TBXAS1: variants seen among roughly 807,000 people sequenced by gnomAD.
TBXAS1 encodes the protein thromboxane A synthase 1, also known as thromboxane-A synthase.
Under a neutral mutation model 60.7 loss-of-function variants are expected in TBXAS1, and 48 were observed. The ratio of observed to expected loss-of-function variants is 0.79; its 90% CI spans 0.63 to 1.01. TBXAS1 has a LOEUF of 1.01. Ranked by LOEUF, TBXAS1 falls within the 50% of genes least tolerant of loss-of-function variation. The pLI, the probability that TBXAS1 is intolerant of heterozygous loss-of-function variation, is 0.00. For missense variants in TBXAS1, 685 were observed against 686.3 expected (o/e 1.00, Z 0.02); for synonymous variants, 287 against 269.7 (o/e 1.06, Z -0.63).
chr7:139,990,675 C>T (rs774951368), intron 9 of TBXAS1, among the ~76,000 whole-genome samples: 52 of 151,826 alleles, frequency 3.4e-4, no homozygotes, highest in Non-Finnish European at 1.9e-4. Flanking sequence ...TTTGCTGCCA[C>T]CCTCCCCACC....
At chr7:139,992,556 C>T (rs1812993088) in intron 9 of TBXAS1, among the ~76,000 whole-genome samples, 1 of 152,222 alleles carries the variant, frequency 6.6e-6, no homozygotes, top group Admixed American at 6.5e-5. Flanking sequence ...CCATCAGCTG[C>T]AGAAGAAGGC....
At chr7:140,011,773 A>G (rs1386241778) in intron 10 of TBXAS1, among the ~76,000 whole-genome samples, 4 of 152,192 alleles carry the variant, frequency 2.6e-5, no homozygotes, top group Non-Finnish European at 4.4e-5. Flanking sequence ...TGGTTGCACA[A>G]TGAATGTACT....
In TBXAS1 at chr7:139,945,812, G is replaced by T. The variant is rs969041674; in HGVS notation, c.451-7556G>T. Among the ~76,000 whole-genome samples, 3 of 152,186 alleles carry T rather than the reference G, an allele frequency of 2.0e-5. No individual in the cohort carries two copies. In the East Asian group the frequency reaches 5.8e-4, roughly 29 times the overall value. On this transcript the variant is annotated intron_variant, in intron 5 of 12. Transcript: ENST00000448866. ...GAGTCCAGAGGGACTGAGGGCTGAG[G>T]CCAGAGGGATCAAGGTGTCTTGGAG...
chr7:139,911,889 A>C (rs955068165), intron 4 of TBXAS1, among the ~76,000 whole-genome samples: 1 of 152,202 alleles, frequency 6.6e-6, no homozygotes, highest in East Asian at 1.9e-4. Flanking sequence ...ATGTCCTACT[A>C]TTTATCTTTG....
At chr7:139,993,379 T>G (rs1019954567) in intron 9 of TBXAS1, among the ~76,000 whole-genome samples, 1 of 152,192 alleles carries the variant, frequency 6.6e-6, no homozygotes, top group Admixed American at 6.5e-5. Context: ...TCTAATTGTA[T>G]TGGGCAAGCC....
Position 139,862,569 on chromosome 7 carries a change from T to A in TBXAS1, c.90-9666T>A, listed in dbSNP as rs903859191. On this transcript the variant is annotated intron_variant, in intron 1 of 12. Transcript: ENST00000448866. ...TTCAAGGAAACTTACTGGGAAGGAA[T>A]GAAGAAAAATAAGGCAATGGCCAAA... Among the ~76,000 whole-genome samples, 74 of 152,112 alleles carry A rather than the reference T, an allele frequency of 4.9e-4. 1 individual carries two copies. The highest frequency in any genetic ancestry group is 4.8e-3 in the Admixed American group (73 of 15,270).
At chr7:139,803,851 C>T (rs1389041503) in intron 4 of TBXAS1, among the ~76,000 whole-genome samples, 1 of 152,236 alleles carries the variant, frequency 6.6e-6, no homozygotes, top group African/African-American at 2.4e-5. Flanking sequence ...GGAACCTCCA[C>T]TTAGATTTCA....
In TBXAS1 at chr7:139,947,948, T is replaced by G. The variant is rs369560575; in HGVS notation, c.451-5420T>G. Among the ~76,000 whole-genome samples the G allele has an allele frequency of 3.3e-5, 5 of 151,836 alleles. No homozygotes were observed. The East Asian group carries it at 5.8e-4, about 18-fold the overall frequency. ...GGCGTGATCTTGGCTCACTGCAACC[T>G]CCACCTCCCAAGTTCAAGTGATTCT... On this transcript the variant is annotated intron_variant, in intron 5 of 12. Coordinates refer to ENST00000448866, the MANE Select transcript of TBXAS1 (RefSeq NM_001061.7).
intron 1 of TBXAS1, among the ~76,000 whole-genome samples, chr7:139,843,984 G>A (rs576690365): frequency 9.8e-5 from 15 of 152,322 alleles, no homozygotes; most frequent in Middle Eastern, 3.4e-3. Context: ...TGCAATCGTC[G>A]AATGCTGAAG....
chr7:139,857,960 T>G (rs2116697195), intron 1 of TBXAS1, among the ~76,000 whole-genome samples: 1 of 152,108 alleles, frequency 6.6e-6, no homozygotes, highest in East Asian at 1.9e-4. Context: ...TCTCGAACTC[T>G]TGGCCTCAAG....
intron 3 of TBXAS1, among the ~76,000 whole-genome samples, chr7:139,910,938 T>C (rs1341411204): frequency 6.6e-6 from 1 of 152,240 alleles, no homozygotes; most frequent in Non-Finnish European, 1.5e-5. Flanking sequence ...CTGTCTTTCC[T>C]ATTAGGCTGT....
intron 9 of TBXAS1, among the ~76,000 whole-genome samples, chr7:140,001,865 G>A (rs1050484408): frequency 3.3e-5 from 5 of 152,116 alleles, no homozygotes; most frequent in Admixed American, 2.6e-4. Context: ...ACTTTTCACT[G>A]GCTTATTCTC....
chr7:139,905,020 T>C (rs1757879395), intron 3 of TBXAS1, among the ~76,000 whole-genome samples: 1 of 75,686 alleles, frequency 1.3e-5, no homozygotes, highest in African/African-American at 7.9e-5. Flanking sequence ...TCTTTCTTTC[T>C]TTCTTTCTTT....
chr7:139,829,993 T>C (rs1410766454), intron 1 of TBXAS1, among the ~76,000 whole-genome samples: 1 of 152,102 alleles, frequency 6.6e-6, no homozygotes, highest in Non-Finnish European at 1.5e-5. Context: ...TTTCTCATAG[T>C]TGATAGAGGG....
intron 3 of TBXAS1, among the ~76,000 whole-genome samples, chr7:139,882,634 T>C (rs1343432896): frequency 6.6e-6 from 1 of 152,222 alleles, no homozygotes; most frequent in Non-Finnish European, 1.5e-5. Flanking sequence ...ATACATAGTA[T>C]ATTGAGAAAA....
At chr7:139,943,360 A>G (rs1808443451) in intron 5 of TBXAS1, among the ~76,000 whole-genome samples, 5 of 152,220 alleles carry the variant, frequency 3.3e-5, no homozygotes, top group Admixed American at 3.3e-4. Flanking sequence ...TTCCACCGAC[A>G]CCTGATCTAC....
In TBXAS1 at chr7:139,911,314, A is replaced by G; in HGVS notation, c.326A>G (p.Asn109Ser). The G allele has an allele frequency of 1.2e-6, 2 of 1,613,716 alleles. No individual in the cohort carries two copies. The highest frequency in any genetic ancestry group is 1.7e-6 in the Non-Finnish European group (2 of 1,179,612). Residue 109 changes from asparagine (N) to serine (S), a missense_variant, in exon 4 of 13, where the codon AAC becomes AGC. Physicochemically the swap from Asn to Ser is conservative, Grantham distance 46. Transcript: ENST00000448866. ...VLVENFSNFTNRMASGLEFKS... is the reference protein window; with the variant it reads ...VLVENFSNFTSRMASGLEFKS... ...GTTGAGAACTTCAGTAACTTTACCA[A>G]CAGAATGGTACGTAGTTTTCTTTCC... is the stretch of plus-strand genomic sequence containing the variant.
intron 4 of TBXAS1, among the ~76,000 whole-genome samples, chr7:139,806,827 T>A (rs1471671762): frequency 6.6e-6 from 1 of 152,192 alleles, no homozygotes; most frequent in Non-Finnish European, 1.5e-5. Flanking sequence ...TCCGCCCTCC[T>A]TGGTGACCTC....
chr7:139,931,100 C>T (rs1396969082), intron 4 of TBXAS1, among the ~76,000 whole-genome samples: 3 of 152,092 alleles, frequency 2.0e-5, no homozygotes, highest in Admixed American at 1.3e-4. Context: ...CATACACACA[C>T]ATGCATACAC....
Sources: gnomAD v4.1 joint callset for allele counts (sites outside exome capture counted in the v4.1 genomes callset) on GRCh38, gnomAD v4.1.1 for gene constraint, MANE v1.5 for transcripts, NCBI Gene and HGNC (gene_info 2026-07-23, HGNC 2026-07-21) for gene names.